Variants in RIC1 observed in about 807,000 individuals in gnomAD.
RIC1 encodes the protein RIC1 partner of RAB6A GEF complex.
RIC1 carries 88 observed loss-of-function variants against 169.0 expected under a neutral mutation model. The ratio of observed to expected loss-of-function variants is 0.52; its 90% CI spans 0.44 to 0.62. RIC1 has a LOEUF of 0.62. Among genes scored for constraint, RIC1 ranks in the 20% least tolerant of loss-of-function variants. The probability of loss-of-function intolerance (pLI) is 0.00; values close to 1 mark genes in which losing one functional copy is unlikely to be tolerated. For synonymous variants in RIC1, 790 were observed against 601.5 expected, an observed-to-expected ratio of 1.31 and a Z score of -4.59; for missense variants, 1,877 against 1,725.5, an observed-to-expected ratio of 1.09 and a Z score of -1.56.
intron 1 of RIC1, among the ~76,000 whole-genome samples, chr9:5,651,286 G>A (rs149103955): frequency 6.6e-6 from 1 of 151,968 alleles, no homozygotes; most frequent in Non-Finnish European, 1.5e-5. Context: ...GGTGTTTCCT[G>A]TCACTTCTCT....
At chr9:5,732,608 C>T (rs1587056591) in intron 7 of RIC1, 129 bp downstream of exon 7, 2 of 513,904 alleles carry the variant, frequency 3.9e-6, no homozygotes, top group Non-Finnish European at 6.8e-6. Flanking sequence ...TATCAGTCAA[C>T]CTTAATATGA....
intron 6 of RIC1, among the ~76,000 whole-genome samples, chr9:5,731,268 A>G (rs1445322150): frequency 1.3e-5 from 2 of 152,094 alleles, no homozygotes; most frequent in African/African-American, 4.8e-5. Context: ...TACTTATTGT[A>G]GGACTGAATT....
At chr9:5,682,797 A>G (rs1219786592) in intron 2 of RIC1, among the ~76,000 whole-genome samples, 3 of 152,184 alleles carry the variant, frequency 2.0e-5, no homozygotes, top group Admixed American at 6.5e-5. Context: ...CAGGTCAGGT[A>G]CACCAATCAG....
At chr9:5,713,841 C>G in intron 3 of RIC1, 55 bp from the exon 4 acceptor site, 2 of 1,197,114 alleles carry the variant, frequency 1.7e-6, no homozygotes, top group Non-Finnish European at 2.5e-6. Flanking sequence ...GTGTATTAGC[C>G]ACAGAATGGA....
At chr9:5,719,303 C>T (rs1263620497) in intron 4 of RIC1, 2 of 152,200 alleles carry the variant, frequency 1.3e-5, no homozygotes, top group Non-Finnish European at 1.5e-5. Flanking sequence ...ACTAACACTG[C>T]CCTTGGGGCT....
intron 8 of RIC1, among the ~76,000 whole-genome samples, chr9:5,740,762 T>C (rs149607266): frequency 0.014 from 2,199 of 152,146 alleles, 32 homozygotes; most frequent in Non-Finnish European, 0.022. Context: ...CCCAGCCCAC[T>C]GACTCAAATG....
chr9:5,751,941 T>A (rs1159629231), intron 12 of RIC1, among the ~76,000 whole-genome samples: 1 of 152,260 alleles, frequency 6.6e-6, no homozygotes, highest in Non-Finnish European at 1.5e-5. Context: ...GTGACAACTT[T>A]TCTTAGAGTA....
intron 2 of RIC1, among the ~76,000 whole-genome samples, chr9:5,681,125 C>A (rs577287795): frequency 6.6e-6 from 1 of 152,024 alleles, no homozygotes; most frequent in Admixed American, 6.6e-5. Context: ...CGCGCCCGGC[C>A]GATTTTTTTT....
At position 5,775,648 on chromosome 9, in the gene RIC1, G is replaced by C. The variant is rs932452512; in HGVS notation, c.*1402G>C. 3.3e-5 allele frequency: 5 copies of C among 152,120 alleles called. No individual in the cohort carries two copies. Among genetic ancestry groups the C allele is most frequent in the Admixed American group, 2.6e-4 (4 of 15,274 alleles). The allele number at this position is 152,120 out of a possible 1,614,324, so 9.4% of individuals were successfully genotyped here. A position where few individuals can be genotyped will look rare whatever the true frequency, so the allele number is the denominator to read the frequency against. Reference sequence around the variant, plus strand: ...TCTCTCCTTGCTTTTTAAAGTAAATGGCTAGATTTAGTTGTCTTAGCCAGG... The same window carrying C: ...TCTCTCCTTGCTTTTTAAAGTAAATCGCTAGATTTAGTTGTCTTAGCCAGG... On this transcript the variant is annotated 3_prime_UTR_variant, in exon 26 of 26. Transcript: ENST00000414202.
intron 1 of RIC1, among the ~76,000 whole-genome samples, chr9:5,634,905 C>G (rs369026597): frequency 6.6e-6 from 1 of 152,040 alleles, no homozygotes; most frequent in Admixed American, 6.6e-5. Flanking sequence ...CATAGTAGAT[C>G]TGTGTATTTG....
chr9:5,735,926 T>G (rs1824677734), intron 7 of RIC1, among the ~76,000 whole-genome samples: 1 of 152,248 alleles, frequency 6.6e-6, no homozygotes, highest in Non-Finnish European at 1.5e-5. Context: ...TAGTCATATC[T>G]CTCTTATAGA....
chr9:5,664,192 G>A lies in RIC1; in HGVS notation c.252+7502G>A, dbSNP rs1296483143. 4.0e-5 allele frequency among the ~76,000 whole-genome samples: 6 copies of A among 151,880 alleles called. No homozygotes were observed. In the East Asian group the frequency reaches 5.8e-4, roughly 15 times the overall value. On this transcript the variant is annotated intron_variant, in intron 2 of 25. Transcript: ENST00000414202. ...TGGGAGGCCAAGGCGGGCGGATAACGAGGTCAAGAGATCGACACCATCCTG... is the reference window on the plus strand; with the variant it reads ...TGGGAGGCCAAGGCGGGCGGATAACAAGGTCAAGAGATCGACACCATCCTG...
At chr9:5,749,511 G>T (rs973082912) in intron 12 of RIC1, among the ~76,000 whole-genome samples, 2 of 152,080 alleles carry the variant, frequency 1.3e-5, no homozygotes, top group Non-Finnish European at 2.9e-5. Flanking sequence ...TGTCAAAGTT[G>T]ATTTTGTTTG....
intron 6 of RIC1, among the ~76,000 whole-genome samples, chr9:5,723,488 T>A (rs1254194332): frequency 6.6e-6 from 1 of 152,178 alleles, no homozygotes; most frequent in Non-Finnish European, 1.5e-5. Flanking sequence ...ATGGTAAAAA[T>A]TTTTTCCCAT....
chr9:5,693,026 C>T (rs1821679608), intron 3 of RIC1, among the ~76,000 whole-genome samples: 1 of 152,006 alleles, frequency 6.6e-6, no homozygotes, highest in South Asian at 2.1e-4. Context: ...TGCTATTAAT[C>T]AGTAATATAC....
chr9:5,635,816 C>G (rs772327681), intron 1 of RIC1, among the ~76,000 whole-genome samples: 2 of 152,216 alleles, frequency 1.3e-5, no homozygotes, highest in Non-Finnish European at 2.9e-5. Context: ...CTGTCTCTCT[C>G]TTGCCTGCCA....
In RIC1 at chr9:5,763,653, C is replaced by A. The variant is rs769071095; in HGVS notation, c.2626C>A (p.Arg876=). Residue 876 remains arginine (R), a synonymous_variant, in exon 19 of 26, where the codon CGG becomes AGG. Coordinates refer to ENST00000414202, the MANE Select transcript of RIC1 (RefSeq NM_020829.4). This position sits in a 1 kb window ranked among gnomAD's most constrained non-coding sequence, Gnocchi z 5.2. ...HEVLEEEATS[R]EPIPDPLLPT... ...AGTACTGGAAGAAGAAGCTACCTCA[C>A]GGGAGCCCATTCCCGACCCTCTGCT... 6.2e-7 allele frequency: 1 copy of A among 1,614,150 alleles called. No individual in the cohort carries two copies. Among genetic ancestry groups the A allele is most frequent in the Admixed American group, 1.7e-5 (1 of 60,018 alleles).
intron 6 of RIC1, among the ~76,000 whole-genome samples, chr9:5,729,526 C>G (rs1587046958): frequency 6.6e-6 from 1 of 152,102 alleles, no homozygotes; most frequent in African/African-American, 2.4e-5. Context: ...TTTTCTAATG[C>G]CGCCTCCTAT....
At chr9:5,693,171 C>G (rs979573318) in intron 3 of RIC1, among the ~76,000 whole-genome samples, 1 of 152,062 alleles carries the variant, frequency 6.6e-6, no homozygotes, top group African/African-American at 2.4e-5. Flanking sequence ...TTACTGAGGC[C>G]AGTGGTTAAT....
Sources: gnomAD v4.1 joint callset for allele counts (sites outside exome capture counted in the v4.1 genomes callset) on GRCh38, gnomAD v4.1.1 for gene constraint, Gnocchi (gnomAD v3.1) non-coding constraint, MANE v1.5 for transcripts, NCBI Gene and HGNC (gene_info 2026-07-23, HGNC 2026-07-21) for gene names.